Variants in OTUD7B observed in about 807,000 individuals in gnomAD.
OTUD7B encodes the protein OTU deubiquitinase 7B, also known as OTU domain-containing protein 7B.
In OTUD7B, 34 loss-of-function variants were observed where a neutral mutation model predicts 82.2. The ratio of observed to expected loss-of-function variants is 0.41; its 90% CI spans 0.31 to 0.55. OTUD7B has a LOEUF of 0.55. Among genes scored for constraint, OTUD7B ranks in the 20% least tolerant of loss-of-function variants. The pLI is 0.20. For missense variants in OTUD7B, 944 were observed against 1,062.1 expected (o/e 0.89, Z 1.55); for synonymous variants, 398 against 402.7 (o/e 0.99, Z 0.14).
chr1:150,017,234 C>G, the OTUD7B span, among the ~76,000 whole-genome samples: 2 of 152,318 alleles, frequency 1.3e-5, no homozygotes, highest in East Asian at 3.9e-4. Flanking sequence ...AAATCCCTGC[C>G]TCCAGGCCCT....
At chr1:150,049,776 T>C in the OTUD7B span, among the ~76,000 whole-genome samples, 3 of 152,024 alleles carry the variant, frequency 2.0e-5, no homozygotes, top group Non-Finnish European at 4.4e-5. Context: ...TTTATAGAGA[T>C]GGGTTTTACC....
chr1:149,974,551 C>CCTTTTTT (rs1559848221), intron 2 of OTUD7B, among the ~76,000 whole-genome samples: 1 of 32,810 alleles, frequency 3.0e-5, no homozygotes, highest in African/African-American at 8.1e-5. Context: ...TCTTAGTTAA[C>CCTTTTTT]TTTTTTTTTT....
rs587765288 is a variant in OTUD7B at position 149,954,595 on chromosome 1, T to C, written c.846-4374A>G. 4.1e-3 allele frequency among the ~76,000 whole-genome samples: 620 copies of C among 152,308 alleles called. 3 individuals carry two copies. Among genetic ancestry groups the C allele is most frequent in the African/African-American group, 0.014 (585 of 41,568 alleles). ...TTAGGGAGGATTCCCTCTTTTTCTA[T>C]TGATTGGAATAGTTTCAGAAGGAAT... is the stretch of plus-strand genomic sequence containing the variant. On this transcript the variant is annotated intron_variant, in intron 7 of 11. Transcript: ENST00000581312.
chr1:149,983,507 A>C (rs1553780242), intron 1 of OTUD7B, among the ~76,000 whole-genome samples: 1 of 152,148 alleles, frequency 6.6e-6, no homozygotes, highest in South Asian at 2.1e-4. Context: ...TTCCCCAAGG[A>C]AATTATGTTT....
intron 9 of OTUD7B, among the ~76,000 whole-genome samples, 156 bp from the exon 10 acceptor site, chr1:149,949,239 G>GT (rs1647999157): frequency 6.6e-6 from 1 of 152,180 alleles, no homozygotes; most frequent in Non-Finnish European, 1.5e-5. Flanking sequence ...TAATTGGCTA[G>GT]TTTTCCCGCT....
In OTUD7B at chr1:149,944,703, G is replaced by T. The variant is rs1553771589; in HGVS notation, c.1686C>A (p.Gly562=). 3 of 1,613,620 alleles carry T rather than the reference G, an allele frequency of 1.9e-6. No individual in the cohort carries two copies. The highest frequency in any genetic ancestry group is 2.5e-6 in the Non-Finnish European group (3 of 1,179,996). The change falls in exon 12 of 12, where the codon GGC becomes GGA. Residue 562 remains glycine, a synonymous_variant. Coordinates refer to ENST00000581312, the MANE Select transcript of OTUD7B (RefSeq NM_020205.4). ...KKNSLKSWKG[G]KEEAAGDGPV... ...GCCCATCCCCAGCTGCCTCCTCCTTGCCACCCTTCCAGCTCTTCAGTGAGT... is the reference window on the plus strand; with the variant it reads ...GCCCATCCCCAGCTGCCTCCTCCTTTCCACCCTTCCAGCTCTTCAGTGAGT...
intron 6 of OTUD7B, chr1:149,963,687 T>C (rs1649317822): frequency 6.6e-6 from 1 of 152,480 alleles, no homozygotes. Context: ...TGAGAAGTAC[T>C]GTTCAGACTC....
At chr1:149,951,398 C>T (rs1188362228) in intron 7 of OTUD7B, among the ~76,000 whole-genome samples, 5 of 152,138 alleles carry the variant, frequency 3.3e-5, no homozygotes, top group African/African-American at 1.2e-4. Flanking sequence ...GCCACTACGC[C>T]TGGCCTTCCT....
intron 1 of OTUD7B, among the ~76,000 whole-genome samples, chr1:149,979,085 A>G (rs1553779190): frequency 6.6e-6 from 1 of 151,874 alleles, no homozygotes; most frequent in Non-Finnish European, 1.5e-5. Flanking sequence ...CTAATAGTAC[A>G]AGAGATCCAT....
chr1:150,028,397 GT>G, the OTUD7B span, among the ~76,000 whole-genome samples: 2 of 152,004 alleles, frequency 1.3e-5, no homozygotes, highest in Non-Finnish European at 2.9e-5. Context: ...TTCACTGTGG[GT>G]TTTTTTTCCA....
At chr1:149,960,923 C>CT (rs781962716) in intron 6 of OTUD7B, 74,549 of 91,078 alleles carry the variant, frequency 0.82, 32,516 homozygotes, top group East Asian at 0.95. Flanking sequence ...TGGATACCTT[C>CT]TTTTTTTTTT....
chr1:149,974,464 G>A (rs10788865), intron 2 of OTUD7B, among the ~76,000 whole-genome samples: 3,150 of 150,072 alleles, frequency 0.021, 115 homozygotes, highest in African/African-American at 0.073. Flanking sequence ...AGTGAACTTA[G>A]AATAAAATTT....
intron 1 of OTUD7B, among the ~76,000 whole-genome samples, chr1:150,004,493 G>A (rs2101938578): frequency 6.6e-6 from 1 of 152,070 alleles, no homozygotes; most frequent in South Asian, 2.1e-4. Flanking sequence ...CCAGGAGGCG[G>A]AGGTTGCAGT....
At chr1:150,036,418 C>A in the OTUD7B span, among the ~76,000 whole-genome samples, 1 of 152,052 alleles carries the variant, frequency 6.6e-6, no homozygotes, top group Non-Finnish European at 1.5e-5. Flanking sequence ...TGCCACCACA[C>A]TCAACTAATT....
rs751366809 is a variant in OTUD7B, at chr1:149,999,932, A to T, written c.-67+10516T>A. On this transcript the variant is annotated intron_variant, in intron 1 of 11. Coordinates refer to ENST00000581312, the MANE Select transcript of OTUD7B (RefSeq NM_020205.4). ...CCCTGACTTTTCAAAGAACTATTTT[A>T]GAACACAGCACTGGCACTTTCAAAG... 6.7e-4 allele frequency among the ~76,000 whole-genome samples: 102 copies of T among 152,254 alleles called. 2 individuals carry two copies. The highest frequency in any genetic ancestry group is 2.4e-4 in the Non-Finnish European group (16 of 68,036).
intron 6 of OTUD7B, 89 bp from the exon 7 acceptor site, chr1:149,959,885 C>T: frequency 1.3e-6 from 1 of 797,396 alleles, no homozygotes. Context: ...CTGTTACTTA[C>T]TCCCTAATCC....
chr1:149,997,049 G>A (rs1375276529), intron 1 of OTUD7B, among the ~76,000 whole-genome samples: 1 of 152,164 alleles, frequency 6.6e-6, no homozygotes, highest in Non-Finnish European at 1.5e-5. Context: ...AAGCAGCTGA[G>A]TTCCTAGTCA....
the OTUD7B span, among the ~76,000 whole-genome samples, chr1:150,061,077 A>G: frequency 3.1e-4 from 47 of 152,284 alleles, no homozygotes; most frequent in East Asian, 8.5e-3. Context: ...TAATTTGTAG[A>G]GATGGTGTCT....
chr1:150,018,434 G>A, the OTUD7B span, among the ~76,000 whole-genome samples: 1 of 152,092 alleles, frequency 6.6e-6, no homozygotes, highest in Non-Finnish European at 1.5e-5. Flanking sequence ...CCTTCCCCGG[G>A]CTGCAGATCA....
Sources: gnomAD v4.1 joint callset for allele counts (sites outside exome capture counted in the v4.1 genomes callset) on GRCh38, gnomAD v4.1.1 for gene constraint, MANE v1.5 for transcripts, NCBI Gene and HGNC (gene_info 2026-07-23, HGNC 2026-07-21) for gene names.